Variants in PALD1 observed in about 807,000 individuals in gnomAD.
PALD1 encodes the protein phosphatase domain containing paladin 1.
PALD1 carries 57 observed loss-of-function variants against 96.0 expected under a neutral mutation model. That is an observed-to-expected ratio of 0.59 (90% CI 0.48 to 0.74). PALD1 has a LOEUF of 0.74. PALD1 is among the 30% of genes least tolerant of loss of function. The probability of loss-of-function intolerance (pLI) is 0.00; values close to 1 mark genes in which losing one functional copy is unlikely to be tolerated. For synonymous variants in PALD1, 464 were observed against 473.6 expected, an observed-to-expected ratio of 0.98 and a Z score of 0.26; for missense variants, 1,063 against 1,143.7, an observed-to-expected ratio of 0.93 and a Z score of 1.02.
chr10:70,561,068 A>G (rs1166957696), intron 18 of PALD1, among the ~76,000 whole-genome samples: 1 of 152,168 alleles, frequency 6.6e-6, no homozygotes, highest in South Asian at 2.1e-4. Context: ...TCACCTGTAC[A>G]CAGTGGTCTG....
the PALD1 span, among the ~76,000 whole-genome samples, chr10:70,460,671 C>T: frequency 6.6e-6 from 1 of 152,206 alleles, no homozygotes; most frequent in Non-Finnish European, 1.5e-5. Context: ...CACCCTGGCC[C>T]CCCAGAATCC....
rs1212722087 is a variant in PALD1 at position 70,489,281 on chromosome 10, T to TC, written c.-30+10222_-30+10223insC. On this transcript the variant is annotated intron_variant, in intron 1 of 19. Transcript: ENST00000263563. ...CCCCAACCAATGAGACTGCAGCCAG[T>TC]GGGGTCCCAGGTGCTCTGAGTCTTA... 4.6e-5 allele frequency among the ~76,000 whole-genome samples: 7 copies of TC among 152,272 alleles called. No homozygotes were observed. In the East Asian group the frequency reaches 1.3e-3, roughly 29 times the overall value.
upstream of PALD1, among the ~76,000 whole-genome samples, chr10:70,476,472 T>C (rs181311077): frequency 1.3e-5 from 2 of 152,318 alleles, no homozygotes; most frequent in East Asian, 3.9e-4. Context: ...GCTGCAGGAC[T>C]CGCTATTCTG....
chr10:70,519,112 T>A (rs1328010268), intron 1 of PALD1, among the ~76,000 whole-genome samples: 1 of 152,190 alleles, frequency 6.6e-6, no homozygotes, highest in African/African-American at 2.4e-5. Context: ...TTACTATGTT[T>A]TATTTTTTGT....
intron 7 of PALD1, 28 bp from the exon 8 acceptor site, chr10:70,533,894 G>A (rs772386477): frequency 6.5e-7 from 1 of 1,543,170 alleles, no homozygotes; most frequent in East Asian, 2.3e-5. Flanking sequence ...TGGTCTCACT[G>A]GGGCCTGATC....
intron 18 of PALD1, among the ~76,000 whole-genome samples, chr10:70,563,037 G>A (rs61857124): frequency 0.25 from 38,704 of 152,022 alleles, 5,366 homozygotes; most frequent in Non-Finnish European, 0.32. Context: ...TGTAACCTTA[G>A]CTATAGAGAG....
intron 10 of PALD1, 104 bp downstream of exon 10, chr10:70,534,947 C>A: frequency 1.3e-6 from 1 of 775,228 alleles, no homozygotes. Context: ...CTTTTTCTGG[C>A]TGCTGCGTCT....
intron 18 of PALD1, among the ~76,000 whole-genome samples, chr10:70,559,665 G>A (rs943447432): frequency 6.6e-6 from 1 of 152,110 alleles, no homozygotes; most frequent in Non-Finnish European, 1.5e-5. Context: ...TGAGAAGGGC[G>A]AAGTGAAGGA....
intron 1 of PALD1, among the ~76,000 whole-genome samples, chr10:70,492,285 T>C (rs1846111493): frequency 6.6e-6 from 1 of 152,122 alleles, no homozygotes; most frequent in Non-Finnish European, 1.5e-5. Context: ...CTTTTTCAAC[T>C]TTACAATGGG....
chr10:70,566,727 G>A lies in PALD1; in HGVS notation c.2565G>A (p.Leu855=). The change falls in exon 20 of 20, where the codon TTG becomes TTA. Residue 855 remains leucine, a synonymous_variant. Transcript: ENST00000263563. ...CSLEPSAPED[L]L The stretch of plus-strand genomic sequence containing the variant: ...TCGAGCCCTCTGCCCCCGAGGACTT[G>A]CTGTAGGGGGCCTTACTCCCTGTCC... The A allele has an allele frequency of 6.3e-7, 1 of 1,590,576 alleles. No homozygotes were observed.
At chr10:70,475,821 C>T (rs1399519024), upstream of PALD1, among the ~76,000 whole-genome samples, 2 of 152,122 alleles carry the variant, frequency 1.3e-5, no homozygotes, top group Non-Finnish European at 2.9e-5. Flanking sequence ...TGGCCACAGG[C>T]GAGTCTGTCG....
chr10:70,533,646 A>G (rs1847044711), intron 7 of PALD1, among the ~76,000 whole-genome samples: 1 of 152,032 alleles, frequency 6.6e-6, no homozygotes, highest in African/African-American at 2.4e-5. Flanking sequence ...GCATTATCTT[A>G]TTTCACTGGC....
intron 10 of PALD1, among the ~76,000 whole-genome samples, chr10:70,536,599 AAC>A (rs1847120736): frequency 6.6e-6 from 1 of 152,192 alleles, no homozygotes; most frequent in African/African-American, 2.4e-5. Context: ...GTGTTACTGG[AAC>A]ACAGTCTTGC....
intron 1 of PALD1, among the ~76,000 whole-genome samples, chr10:70,505,183 A>C (rs979592873): frequency 3.3e-5 from 5 of 152,236 alleles, no homozygotes; most frequent in African/African-American, 1.2e-4. Context: ...TGGGTGACAC[A>C]CGCTTTCCAA....
At chr10:70,564,298 T>G in intron 18 of PALD1, 66 bp from the exon 19 acceptor site, 1 of 1,499,254 alleles carries the variant, frequency 6.7e-7, no homozygotes. Flanking sequence ...GGCAGCAGGG[T>G]GGCATGTTTG....
At chr10:70,532,067 C>T (rs61857081) in intron 5 of PALD1, among the ~76,000 whole-genome samples, 19,682 of 151,960 alleles carry the variant, frequency 0.13, 1,368 homozygotes, top group South Asian at 0.19. Flanking sequence ...TGCAGTTCAA[C>T]GCTTTGAGAG....
Position 70,539,548 on chromosome 10 carries a change from T to A in PALD1, c.1726-32T>A, listed in dbSNP as rs762076577. ...AGGGCTAGCCTAGAGCCTGCCCCAG[T>A]GGCCTGTGTCCTCCCTCCTGCCCTT... On this transcript the variant is annotated intron_variant, in intron 14 of 19. Transcript: ENST00000263563. The surrounding 1 kb of genome is among the most constrained non-coding windows in gnomAD (Gnocchi z 4.5). 2.6e-6 allele frequency: 4 copies of A among 1,561,324 alleles called. No homozygotes were observed. The South Asian group carries it at 3.5e-5, about 13-fold the overall frequency.
chr10:70,533,038 G>T lies in PALD1; in HGVS notation c.838G>T (p.Ala280Ser). 1 of 1,586,352 alleles carries T rather than the reference G, an allele frequency of 6.3e-7. No homozygotes were observed. ...PLPEQGSPLE[A>S]QLDAFVSVLR... is the part of the protein sequence containing the mutation. ...GCCCGAGCAAGGGAGTCCCCTGGAGGCCCAGTTGGACGCCTTTGTCAGTGT... is the reference window on the plus strand; with the variant it reads ...GCCCGAGCAAGGGAGTCCCCTGGAGTCCCAGTTGGACGCCTTTGTCAGTGT... Residue 280 changes from alanine to serine, a missense_variant, in exon 7 of 20, where the codon GCC (alanine) becomes TCC (serine). Transcript: ENST00000263563.
chr10:70,513,929 G>A lies in PALD1; in HGVS notation c.-29-11994G>A, dbSNP rs536835988. On this transcript the variant is annotated intron_variant, in intron 1 of 19. Transcript: ENST00000263563. Reference sequence around the variant, plus strand: ...TGACCCAGGGACCGCTGCTGGCTGCGGGGCAGGCTTTGTCATCCCGAGAAC... The same window carrying A: ...TGACCCAGGGACCGCTGCTGGCTGCAGGGCAGGCTTTGTCATCCCGAGAAC... 5.3e-5 allele frequency among the ~76,000 whole-genome samples: 8 copies of A among 152,314 alleles called. No individual in the cohort carries two copies. The East Asian group carries it at 7.7e-4, about 15-fold the overall frequency.
Sources: allele counts gnomAD v4.1 joint callset (sites outside exome capture counted in the v4.1 genomes callset), GRCh38; gene constraint gnomAD v4.1.1; non-coding constraint Gnocchi (gnomAD v3.1); transcripts MANE v1.5; gene names NCBI Gene and HGNC (gene_info 2026-07-23, HGNC 2026-07-21).